TAFA1: variants seen among roughly 807,000 people sequenced by gnomAD.
TAFA1 encodes the protein chemokine-like protein TAFA-1.
Under a neutral mutation model 18.5 loss-of-function variants are expected in TAFA1, and 4 were observed. The ratio of observed to expected loss-of-function variants is 0.22; its 90% CI spans 0.11 to 0.49. TAFA1 has a LOEUF of 0.49. TAFA1 is among the 20% of genes least tolerant of loss of function. TAFA1 has a pLI of 0.98. For missense variants in TAFA1, 147 were observed against 169.0 expected, an observed-to-expected ratio of 0.87 and a Z score of 0.72; for synonymous variants, 56 against 55.2, an observed-to-expected ratio of 1.01 and a Z score of -0.06.
intron 2 of TAFA1, among the ~76,000 whole-genome samples, chr3:68,146,367 CCTT>C (rs1035183682): frequency 2.6e-5 from 4 of 152,130 alleles, no homozygotes; most frequent in African/African-American, 9.7e-5. Flanking sequence ...CCGTCTTTCT[CCTT>C]AAGAGGTGCC....
chr3:68,025,733 G>A (rs555947332), intron 2 of TAFA1, among the ~76,000 whole-genome samples: 4 of 152,080 alleles, frequency 2.6e-5, no homozygotes, highest in Non-Finnish European at 4.4e-5. Flanking sequence ...AGATGTCTAC[G>A]TGATATACGT....
chr3:68,247,538 C>T (rs1346095770), intron 2 of TAFA1: 1 of 152,110 alleles, frequency 6.6e-6, no homozygotes, highest in African/African-American at 2.4e-5. Context: ...GTTTTGCACC[C>T]AGGCACACTG....
At chr3:68,458,498 G>T (rs927062961) in intron 3 of TAFA1, among the ~76,000 whole-genome samples, 5 of 152,150 alleles carry the variant, frequency 3.3e-5, no homozygotes, top group African/African-American at 1.2e-4. Flanking sequence ...CCTGTTCATT[G>T]TTTTATAATT....
chr3:68,210,319 T>G (rs2066580026), intron 2 of TAFA1, among the ~76,000 whole-genome samples: 1 of 152,040 alleles, frequency 6.6e-6, no homozygotes, highest in African/African-American at 2.4e-5. Context: ...TACAGATGCC[T>G]CTGGGGACCA....
At chr3:68,265,947 G>A (rs1297432635) in intron 2 of TAFA1, among the ~76,000 whole-genome samples, 1 of 152,140 alleles carries the variant, frequency 6.6e-6, no homozygotes, top group African/African-American at 2.4e-5. Flanking sequence ...AAAAAAAATT[G>A]TATAATCCCT....
At chr3:68,114,140 T>C (rs750798070) in intron 2 of TAFA1, among the ~76,000 whole-genome samples, 11 of 151,998 alleles carry the variant, frequency 7.2e-5, no homozygotes, top group Non-Finnish European at 1.6e-4. Context: ...GATCTCTCCG[T>C]GCCCTTAGAT....
At chr3:68,226,940 CA>C (rs2066808246) in intron 2 of TAFA1, among the ~76,000 whole-genome samples, 1 of 152,154 alleles carries the variant, frequency 6.6e-6, no homozygotes, top group Non-Finnish European at 1.5e-5. Flanking sequence ...AGCTGACTAG[CA>C]GTTCAGAGGA....
intron 2 of TAFA1, among the ~76,000 whole-genome samples, chr3:68,390,140 T>C (rs1433240497): frequency 2.0e-5 from 3 of 152,090 alleles, no homozygotes; most frequent in Non-Finnish European, 4.4e-5. Context: ...CAGTCTGAAG[T>C]CAACCTGGGA....
intron 2 of TAFA1, among the ~76,000 whole-genome samples, chr3:68,180,502 A>C (rs1308751249): frequency 6.6e-6 from 1 of 152,172 alleles, no homozygotes; most frequent in Non-Finnish European, 1.5e-5. Flanking sequence ...TATTGTCCCA[A>C]CATAAGAAGT....
intron 2 of TAFA1, among the ~76,000 whole-genome samples, chr3:68,058,661 A>G (rs1282357972): frequency 1.3e-5 from 2 of 152,242 alleles, no homozygotes; most frequent in Non-Finnish European, 2.9e-5. Flanking sequence ...AAATGTTCTT[A>G]AAACGATACA....
At chr3:68,478,408 G>A (rs2072145947) in intron 3 of TAFA1, among the ~76,000 whole-genome samples, 1 of 152,028 alleles carries the variant, frequency 6.6e-6, no homozygotes. Context: ...ACATAAAGTG[G>A]AAATAAGAAG....
chr3:68,503,315 A>C (rs947755169), intron 3 of TAFA1, among the ~76,000 whole-genome samples: 1 of 152,160 alleles, frequency 6.6e-6, no homozygotes, highest in Non-Finnish European at 1.5e-5. Flanking sequence ...TGCAAAACCC[A>C]AAAAACCTGA....
rs536211043 is a variant in TAFA1, at chr3:68,525,680, A to ACAT, written c.260-13073_260-13071dup. Among the ~76,000 whole-genome samples the ACAT allele has an allele frequency of 2.3e-3, 357 of 152,328 alleles. 3 individuals carry two copies. Among genetic ancestry groups the ACAT allele is most frequent in the African/African-American group, 7.6e-3 (315 of 41,566 alleles). On this transcript the variant is annotated intron_variant, in intron 3 of 4. Transcript: ENST00000478136. ...ATTTTGCCATTTCAAATATAGACACACATCAAATTAGTTTCAAGAGTGCTC... is the reference window on the plus strand; with the variant it reads ...ATTTTGCCATTTCAAATATAGACACACATCATCAAATTAGTTTCAAGAGTGCTC...
intron 3 of TAFA1, among the ~76,000 whole-genome samples, chr3:68,533,279 C>T (rs1228426827): frequency 6.6e-6 from 1 of 152,036 alleles, no homozygotes; most frequent in African/African-American, 2.4e-5. Flanking sequence ...GTGAAAAGCA[C>T]ATCTTATATG....
At chr3:68,402,157 A>G (rs2070506742) in intron 2 of TAFA1, among the ~76,000 whole-genome samples, 1 of 152,174 alleles carries the variant, frequency 6.6e-6, no homozygotes, top group African/African-American at 2.4e-5. Flanking sequence ...AGATTTCCAG[A>G]GAGGAGGATT....
At chr3:68,188,286 G>T (rs963156633) in intron 2 of TAFA1, among the ~76,000 whole-genome samples, 15 of 151,800 alleles carry the variant, frequency 9.9e-5, no homozygotes, top group African/African-American at 3.6e-4. Context: ...TTGCAAGGTT[G>T]ATTCCACCAC....
intron 2 of TAFA1, among the ~76,000 whole-genome samples, chr3:68,078,706 G>A (rs550870056): frequency 2.6e-5 from 4 of 152,066 alleles, no homozygotes; most frequent in East Asian, 1.9e-4. Flanking sequence ...TGCTGGATTC[G>A]GTTTGCCAGT....
At chr3:68,316,030 A>G (rs1190354882) in intron 2 of TAFA1, among the ~76,000 whole-genome samples, 1 of 152,194 alleles carries the variant, frequency 6.6e-6, no homozygotes, top group Non-Finnish European at 1.5e-5. Context: ...ACAGAGGGTG[A>G]TTAATTATAT....
chr3:68,458,078 G>C (rs1183471933), intron 3 of TAFA1, among the ~76,000 whole-genome samples: 2 of 152,154 alleles, frequency 1.3e-5, no homozygotes, highest in Non-Finnish European at 2.9e-5. Context: ...CAGTGCTGAG[G>C]AGAGGCTTGG....
Sources: gnomAD v4.1 joint callset for allele counts (sites outside exome capture counted in the v4.1 genomes callset) on GRCh38, gnomAD v4.1.1 for gene constraint, MANE v1.5 for transcripts, NCBI Gene and HGNC (gene_info 2026-07-23, HGNC 2026-07-21) for gene names.